Variants in SORBS2 observed in about 807,000 individuals in gnomAD.
SORBS2 encodes sorbin and SH3 domain-containing protein 2.
A neutral mutation model predicts 97.7 loss-of-function variants in SORBS2; 46 were observed. The ratio of observed to expected loss-of-function variants is 0.47; its 90% CI spans 0.37 to 0.60. The LOEUF is 0.60. SORBS2 is among the 20% of genes least tolerant of loss of function. SORBS2 has a pLI of 0.00. For synonymous variants in SORBS2, 476 were observed against 473.4 expected (o/e 1.01, Z -0.07); for missense variants, 1,316 against 1,282.3 (o/e 1.03, Z -0.40).
intron 1 of SORBS2, among the ~76,000 whole-genome samples, chr4:185,847,745 G>A (rs2099215398): frequency 6.6e-6 from 1 of 152,130 alleles, no homozygotes; most frequent in Non-Finnish European, 1.5e-5. Context: ...CAAGCAGTAA[G>A]TTGTACCCTA....
At chr4:185,645,477 T>G (rs1309040752) in intron 4 of SORBS2, 2 of 152,184 alleles carry the variant, frequency 1.3e-5, no homozygotes, top group African/African-American at 2.4e-5. Flanking sequence ...GTAAGAAGGC[T>G]TAGACAAATA....
chr4:185,657,247 T>A (rs1212982620), upstream of SORBS2: 2 of 504,830 alleles, frequency 4.0e-6, no homozygotes, highest in Non-Finnish European at 6.5e-6. Context: ...TGTAATTCTC[T>A]CCCATCAACA....
chr4:185,598,732 G>T (rs542739007), intron 12 of SORBS2, among the ~76,000 whole-genome samples: 196 of 151,894 alleles, frequency 1.3e-3, no homozygotes, highest in African/African-American at 4.5e-3. Context: ...ATAATACCAC[G>T]TTTATGTTTC....
chr4:185,778,964 A>G (rs1316791489), intron 1 of SORBS2, among the ~76,000 whole-genome samples: 1 of 152,208 alleles, frequency 6.6e-6, no homozygotes, highest in Non-Finnish European at 1.5e-5. Flanking sequence ...GTGTCTGAAT[A>G]ACCTCATTAG....
intron 2 of SORBS2, among the ~76,000 whole-genome samples, chr4:185,720,126 A>G (rs1483847826): frequency 1.3e-5 from 2 of 152,150 alleles, no homozygotes; most frequent in Non-Finnish European, 2.9e-5. Flanking sequence ...TAGCGCTGAG[A>G]AAGACAGAGC....
At chr4:185,736,654 C>T (rs2098689606) in intron 2 of SORBS2, among the ~76,000 whole-genome samples, 1 of 152,208 alleles carries the variant, frequency 6.6e-6, no homozygotes, top group South Asian at 2.1e-4. Context: ...TTCAGTTTTC[C>T]AGAGTCTTTC....
intron 1 of SORBS2, among the ~76,000 whole-genome samples, chr4:185,809,561 G>A (rs1234179189): frequency 1.3e-5 from 2 of 149,984 alleles, no homozygotes; most frequent in Non-Finnish European, 3.0e-5. Flanking sequence ...GAAAATAAGG[G>A]TCTAAAAATA....
chr4:185,689,131 C>A (rs999583261), intron 2 of SORBS2, among the ~76,000 whole-genome samples: 4 of 152,268 alleles, frequency 2.6e-5, no homozygotes, highest in Middle Eastern at 3.4e-3. Context: ...GAGTGTACTG[C>A]CCATCAACAC....
chr4:185,735,493 CACACACACACTCACACACACAA>C (rs1562204521), intron 2 of SORBS2, among the ~76,000 whole-genome samples: 3 of 149,914 alleles, frequency 2.0e-5, no homozygotes, highest in Non-Finnish European at 4.4e-5. Flanking sequence ...AAAGGGCAAA[CACACACACACTCACACACACAA>C]ACAAACACAC....
exon 1 of SORBS2, chr4:185,656,863 A>T (rs964021095): frequency 7.6e-7 from 1 of 1,312,562 alleles, no homozygotes; most frequent in Non-Finnish European, 9.7e-7. Context: ...CTCAGCAGGC[A>T]CGGCTGAAGA....
exon 12 of SORBS2, chr4:185,611,976 T>A (rs1190754536): frequency 1.9e-6 from 3 of 1,586,870 alleles, no homozygotes; most frequent in East Asian, 4.5e-5. Context: ...AATAACTCTA[T>A]CTCCCTGTTA....
chr4:185,803,557 CT>C (rs1233142037), intron 1 of SORBS2, among the ~76,000 whole-genome samples: 1 of 152,072 alleles, frequency 6.6e-6, no homozygotes, highest in Non-Finnish European at 1.5e-5. Flanking sequence ...TTGTCATTTA[CT>C]TTTACAACAT....
At chr4:185,735,541 C>G (rs1364475019) in intron 2 of SORBS2, among the ~76,000 whole-genome samples, 2 of 151,954 alleles carry the variant, frequency 1.3e-5, no homozygotes, top group Non-Finnish European at 2.9e-5. Context: ...CACATGCGAG[C>G]CTTCCCCCAA....
chr4:185,842,620 G>A, intron 1 of SORBS2, among the ~76,000 whole-genome samples: 1 of 152,158 alleles, frequency 6.6e-6, no homozygotes, highest in African/African-American at 2.4e-5. Flanking sequence ...AGAGAAGGTA[G>A]GAGTGATGGA....
At chr4:185,818,502 A>G (rs573037237) in intron 1 of SORBS2, among the ~76,000 whole-genome samples, 3 of 152,224 alleles carry the variant, frequency 2.0e-5, no homozygotes, top group African/African-American at 7.2e-5. Context: ...TATATTTTTA[A>G]AAGTCAGACT....
rs1443318721 is a variant in SORBS2 at position 185,664,504 on chromosome 4, T to C, written c.-45-2262A>G. 3.9e-5 allele frequency among the ~76,000 whole-genome samples: 6 copies of C among 152,290 alleles called. No individual in the cohort carries two copies. The East Asian group carries it at 1.2e-3, about 29-fold the overall frequency. Reference sequence around the variant, plus strand: ...AGAACCATTGAAGCACAGTAGGGCATGGGAGGAACCCACACCTGCTGTGCT... The same window carrying C: ...AGAACCATTGAAGCACAGTAGGGCACGGGAGGAACCCACACCTGCTGTGCT... On this transcript the variant is annotated intron_variant, in intron 4 of 20. Transcript: ENST00000284776.
intron 4 of SORBS2, among the ~76,000 whole-genome samples, chr4:185,641,379 A>T (rs1348707300): frequency 6.6e-6 from 1 of 152,170 alleles, no homozygotes; most frequent in Non-Finnish European, 1.5e-5. Flanking sequence ...TGTTAAAGGA[A>T]GTGTTAGTGG....
At chr4:185,900,961 C>G (rs2099247440) in intron 1 of SORBS2, among the ~76,000 whole-genome samples, 1 of 152,220 alleles carries the variant, frequency 6.6e-6, no homozygotes, top group Admixed American at 6.5e-5. Context: ...TGTGTAAAGA[C>G]TGACCTCATT....
At chr4:185,846,244 G>T (rs1167592162) in intron 1 of SORBS2, among the ~76,000 whole-genome samples, 1 of 152,170 alleles carries the variant, frequency 6.6e-6, no homozygotes, top group Non-Finnish European at 1.5e-5. Flanking sequence ...ACTGATAGTT[G>T]CAACAAATGG....
Sources: allele counts gnomAD v4.1 joint callset (sites outside exome capture counted in the v4.1 genomes callset), GRCh38; gene constraint gnomAD v4.1.1; transcripts MANE v1.5; gene names NCBI Gene and HGNC (gene_info 2026-07-23, HGNC 2026-07-21).